Variants in GPR158 observed in about 807,000 individuals in gnomAD.
GPR158 encodes the protein metabotropic glycine receptor.
Under a neutral mutation model 78.2 loss-of-function variants are expected in GPR158, and 30 were observed. That is an observed-to-expected ratio of 0.38 (90% CI 0.29 to 0.52). GPR158 has a LOEUF of 0.52. Among genes scored for constraint, GPR158 ranks in the 20% least tolerant of loss-of-function variants. The probability of loss-of-function intolerance (pLI) is 0.83; values close to 1 mark genes in which losing one functional copy is unlikely to be tolerated. For missense variants in GPR158, 1,463 were observed against 1,523.5 expected (o/e 0.96, Z 0.66); for synonymous variants, 581 against 591.1 (o/e 0.98, Z 0.25).
intron 2 of GPR158, among the ~76,000 whole-genome samples, chr10:25,388,504 A>G (rs1323165805): frequency 6.6e-6 from 1 of 152,240 alleles, no homozygotes; most frequent in East Asian, 1.9e-4. Flanking sequence ...GGCTGGCCCC[A>G]GGAACATTGG....
intron 2 of GPR158, among the ~76,000 whole-genome samples, chr10:25,343,735 A>G (rs753111557): frequency 2.6e-4 from 40 of 152,136 alleles, no homozygotes; most frequent in Non-Finnish European, 5.0e-4. Context: ...AGACAGGTTC[A>G]ATGGACTACT....
At chr10:25,526,484 A>T (rs1427856284) in intron 5 of GPR158, among the ~76,000 whole-genome samples, 1 of 152,186 alleles carries the variant, frequency 6.6e-6, no homozygotes, top group African/African-American at 2.4e-5. Flanking sequence ...GGGCCACAGG[A>T]GGCGGATGTA....
At position 25,599,281 on chromosome 10, in the gene GPR158, C is replaced by T. The variant is rs1163899642; in HGVS notation, c.*7C>T. On this transcript the variant is annotated 3_prime_UTR_variant, in exon 11 of 11. Coordinates refer to ENST00000376351, the MANE Select transcript of GPR158 (RefSeq NM_020752.3). ...GGATAGTTTTAAAGTGTAGCATCTC[C>T]AGGAAGAAGAGGAAAAGGAGGGAAC... 1 of 1,590,006 alleles carries T rather than the reference C, an allele frequency of 6.3e-7. No homozygotes were observed. Among genetic ancestry groups the T allele is most frequent in the East Asian group, 2.2e-5 (1 of 44,620 alleles).
At chr10:25,363,033 A>C (rs1564433191) in intron 2 of GPR158, among the ~76,000 whole-genome samples, 1 of 151,634 alleles carries the variant, frequency 6.6e-6, no homozygotes, top group Non-Finnish European at 1.5e-5. Context: ...TTTTTCTGCT[A>C]CCTCTTCCAT....
chr10:25,475,289 C>A (rs1835566995), intron 5 of GPR158: 1 of 152,066 alleles, frequency 6.6e-6, no homozygotes, highest in Non-Finnish European at 1.5e-5. Context: ...CGGAGGCTTA[C>A]CAAAAAAATT....
chr10:25,205,427 T>A (rs1853010874), intron 1 of GPR158, among the ~76,000 whole-genome samples: 1 of 152,034 alleles, frequency 6.6e-6, no homozygotes, highest in Non-Finnish European at 1.5e-5. Context: ...CTTTTAACTT[T>A]GGGGTTTGTT....
chr10:25,390,179 C>T (rs1007200804), intron 2 of GPR158, among the ~76,000 whole-genome samples: 11 of 152,228 alleles, frequency 7.2e-5, no homozygotes, highest in Admixed American at 3.3e-4. Flanking sequence ...ATCCTTATAG[C>T]AGCTTGAGAA....
intron 5 of GPR158, among the ~76,000 whole-genome samples, chr10:25,541,980 A>T (rs1430200454): frequency 2.7e-5 from 4 of 147,336 alleles, no homozygotes; most frequent in African/African-American, 9.9e-5. Flanking sequence ...TATAATTATA[A>T]ATTATATATT....
intron 2 of GPR158, among the ~76,000 whole-genome samples, chr10:25,283,549 A>G (rs928412454): frequency 3.3e-5 from 5 of 151,914 alleles, no homozygotes; most frequent in African/African-American, 1.2e-4. Flanking sequence ...TAATGTTGTT[A>G]ATCTTTTAAA....
rs1430337338 is a variant in GPR158 at position 25,303,410 on chromosome 10, A to G, written c.1008+82253A>G. ...CAAAGAACTCTGTCCTTAACTTTGT[A>G]TTATCCAGCATTTTTACTGTAATTT... On this transcript the variant is annotated intron_variant, in intron 2 of 10. Transcript: ENST00000376351. Among the ~76,000 whole-genome samples, 3 of 152,156 alleles carry G rather than the reference A, an allele frequency of 2.0e-5. No homozygotes were observed. The East Asian group carries it at 5.8e-4, about 29-fold the overall frequency.
chr10:25,328,816 G>A (rs1832634), intron 2 of GPR158, among the ~76,000 whole-genome samples: 122,660 of 150,746 alleles, frequency 0.81, 50,718 homozygotes, highest in African/African-American at 0.9. Context: ...AATCCCAGAT[G>A]ATTGGGCAGC....
At chr10:25,242,739 T>A (rs931517819) in intron 2 of GPR158, among the ~76,000 whole-genome samples, 1 of 152,244 alleles carries the variant, frequency 6.6e-6, no homozygotes, top group Non-Finnish European at 1.5e-5. Flanking sequence ...AACTTGAGTG[T>A]ACTTTTTTTT....
At chr10:25,269,088 C>T (rs996031855) in intron 2 of GPR158, among the ~76,000 whole-genome samples, 1 of 152,014 alleles carries the variant, frequency 6.6e-6, no homozygotes, top group African/African-American at 2.4e-5. Flanking sequence ...AATACTCTGG[C>T]AAAGAAGCTG....
At chr10:25,569,488 G>A (rs1444937668) in intron 6 of GPR158, among the ~76,000 whole-genome samples, 2 of 152,098 alleles carry the variant, frequency 1.3e-5, no homozygotes, top group African/African-American at 2.4e-5. Flanking sequence ...AGAATATATA[G>A]TTCATAACTA....
chr10:25,354,965 T>A (rs1855527941), intron 2 of GPR158, among the ~76,000 whole-genome samples: 1 of 152,086 alleles, frequency 6.6e-6, no homozygotes, highest in Non-Finnish European at 1.5e-5. Flanking sequence ...TTGCTTCTTT[T>A]CTCTAGATGC....
chr10:25,433,690 C>CTT (rs776105443), intron 4 of GPR158, among the ~76,000 whole-genome samples: 12,558 of 91,674 alleles, frequency 0.14, 1,269 homozygotes, highest in African/African-American at 0.16. Context: ...TTCTTTCTTT[C>CTT]TTTCTTTTTT....
chr10:25,222,723 G>A (rs1434983103), intron 2 of GPR158, among the ~76,000 whole-genome samples: 5 of 152,124 alleles, frequency 3.3e-5, no homozygotes, highest in Non-Finnish European at 2.9e-5. Flanking sequence ...GCCACTTAGC[G>A]TTGTCTTTTA....
intron 2 of GPR158, among the ~76,000 whole-genome samples, chr10:25,227,126 G>T (rs745534347): frequency 1.8e-4 from 27 of 152,272 alleles, no homozygotes; most frequent in Middle Eastern, 3.4e-3. Flanking sequence ...GGGTTATTTG[G>T]AATAGAGATT....
intron 7 of GPR158, among the ~76,000 whole-genome samples, chr10:25,577,670 C>T (rs1837121401): frequency 6.6e-6 from 1 of 152,086 alleles, no homozygotes; most frequent in Admixed American, 6.5e-5. Context: ...ATTTTCCTAA[C>T]ACAAGTGTTT....
Sources: gnomAD v4.1 joint callset for allele counts (sites outside exome capture counted in the v4.1 genomes callset) on GRCh38, gnomAD v4.1.1 for gene constraint, MANE v1.5 for transcripts, NCBI Gene and HGNC (gene_info 2026-07-23, HGNC 2026-07-21) for gene names.